Variants in DAB1 observed in about 807,000 individuals in gnomAD.
DAB1 encodes the protein disabled homolog 1.
Under a neutral mutation model 64.6 loss-of-function variants are expected in DAB1, and 15 were observed. The ratio of observed to expected loss-of-function variants is 0.23; its 90% CI spans 0.16 to 0.36. DAB1 has a LOEUF of 0.36. Ranked by LOEUF, DAB1 falls within the 10% of genes least tolerant of loss-of-function variation. The probability of loss-of-function intolerance (pLI) is 1.00; values close to 1 mark genes in which losing one functional copy is unlikely to be tolerated. For synonymous variants in DAB1, 235 were observed against 251.9 expected, an observed-to-expected ratio of 0.93 and a Z score of 0.64; for missense variants, 596 against 706.7, an observed-to-expected ratio of 0.84 and a Z score of 1.78.
At chr1:57,180,864 TAGA>T (rs1662848312) in intron 2 of DAB1, among the ~76,000 whole-genome samples, 1 of 152,226 alleles carries the variant, frequency 6.6e-6, no homozygotes, top group South Asian at 2.1e-4. Flanking sequence ...CAGTCTCCTG[TAGA>T]AGAAGTAACC....
intron 4 of DAB1, among the ~76,000 whole-genome samples, chr1:58,279,387 A>G (rs1225337463): frequency 6.6e-6 from 1 of 152,224 alleles, no homozygotes; most frequent in African/African-American, 2.4e-5. Context: ...CAAGACCAGG[A>G]CTAGGCCTGG....
In DAB1 at chr1:57,071,355, A is replaced by G. The variant is rs937724338; in HGVS notation, c.558+167T>C. The G allele has an allele frequency of 7.6e-6, 6 of 794,658 alleles. No homozygotes were observed. In the African/African-American group the frequency reaches 8.7e-5, roughly 12 times the overall value. 49.2% of individuals were successfully genotyped at this position (794,658 alleles called of 1,614,324 possible). On this transcript the variant is annotated intron_variant, in intron 6 of 14. Coordinates refer to ENST00000371236, the MANE Select transcript of DAB1 (RefSeq NM_001365792.1). ...TAACATGTCTAGAGTTTAAGAGAAT[A>G]AGGAATAATTTCTAATGGCTTGCTT...
chr1:57,196,274 G>A (rs1259825156), intron 2 of DAB1, among the ~76,000 whole-genome samples: 1 of 152,216 alleles, frequency 6.6e-6, no homozygotes, highest in African/African-American at 2.4e-5. Flanking sequence ...AGTACTCTCT[G>A]TTGAAGGTGG....
intron 2 of DAB1, among the ~76,000 whole-genome samples, chr1:57,249,501 A>G (rs1027065556): frequency 6.6e-6 from 1 of 152,164 alleles, no homozygotes; most frequent in African/African-American, 2.4e-5. Flanking sequence ...TCCCGCAAGT[A>G]TCTGGAATTC....
chr1:57,900,733 G>A (rs1301831940), intron 5 of DAB1, among the ~76,000 whole-genome samples: 1 of 152,192 alleles, frequency 6.6e-6, no homozygotes, highest in Admixed American at 6.5e-5. Flanking sequence ...TCCCCTTGAT[G>A]ATAATTACTT....
chr1:57,010,682 A>G lies in DAB1; in HGVS notation c.*13T>C. On this transcript the variant is annotated splice_region_variant and 3_prime_UTR_variant, in exon 14 of 15. Coordinates refer to ENST00000371236, the MANE Select transcript of DAB1 (RefSeq NM_001365792.1). ...AGATAAAAAGGACAGATACCTACCCAGACCTGCGCTATCTAGCTACCGGCC... is the reference window on the plus strand; with the variant it reads ...AGATAAAAAGGACAGATACCTACCCGGACCTGCGCTATCTAGCTACCGGCC... The G allele has an allele frequency of 6.6e-7, 1 of 1,519,196 alleles. No homozygotes were observed. The highest frequency in any genetic ancestry group is 8.9e-7 in the Non-Finnish European group (1 of 1,125,306). The allele number at this position is 1,519,196 out of a possible 1,614,324, so 94.1% of individuals were successfully genotyped here.
In DAB1 at chr1:57,027,103, C is replaced by G. The variant is rs545695682; in HGVS notation, c.724-1060G>C. 9.2e-5 allele frequency among the ~76,000 whole-genome samples: 14 copies of G among 152,264 alleles called. No homozygotes were observed. In the South Asian group the frequency reaches 2.9e-3, roughly 32 times the overall value. ...GACTCCTGCACTCAAACCGCTCTAA[C>G]CAGGTCATGGCTGGATCTCTAGGTT... is the stretch of plus-strand genomic sequence containing the variant. On this transcript the variant is annotated intron_variant, in intron 9 of 14. Transcript: ENST00000371236.
chr1:58,469,098 T>G (rs903100861), intron 3 of DAB1: 3 of 189,658 alleles, frequency 1.6e-5, no homozygotes, highest in African/African-American at 7.1e-5. Context: ...GCATCATTGC[T>G]GGCCAGCAGT....
chr1:57,070,372 C>A (rs1179083418), intron 7 of DAB1, among the ~76,000 whole-genome samples: 1 of 152,094 alleles, frequency 6.6e-6, no homozygotes, highest in East Asian at 1.9e-4. Flanking sequence ...CCCTTTTTTT[C>A]TGCATCTCTG....
rs956922505 is a variant in DAB1, at chr1:57,463,366, T to A, written n.626-172200A>T. On this transcript the variant is annotated intron_variant and non_coding_transcript_variant, in intron 7 of 20. Transcript: ENST00000485760. ...ATCCATATTATAAAAGGTATGTACA[T>A]ATAATTCTTGAAATCACAATATAAT... Among the ~76,000 whole-genome samples the A allele has an allele frequency of 2.0e-5, 3 of 152,218 alleles. 1 individual carries two copies. Among genetic ancestry groups the A allele is most frequent in the African/African-American group, 7.2e-5 (3 of 41,468 alleles).
At chr1:58,270,289 C>T (rs899329675) in intron 4 of DAB1, among the ~76,000 whole-genome samples, 2 of 145,524 alleles carry the variant, frequency 1.4e-5, no homozygotes, top group African/African-American at 2.6e-5. Context: ...GAATCCTTTC[C>T]CCATTGCTTG....
chr1:57,738,616 C>T (rs1299568374), intron 6 of DAB1, among the ~76,000 whole-genome samples: 2 of 152,126 alleles, frequency 1.3e-5, no homozygotes, highest in African/African-American at 4.8e-5. Context: ...ATCTTTGCTC[C>T]TGTACTGTTA....
At chr1:57,844,279 G>T (rs2101919433) in intron 1 of DAB1, among the ~76,000 whole-genome samples, 1 of 152,306 alleles carries the variant, frequency 6.6e-6, no homozygotes, top group African/African-American at 2.4e-5. Flanking sequence ...TGGGTTGCAG[G>T]ACAGCAGCCC....
chr1:57,145,454 A>T lies in DAB1; in HGVS notation c.68-25T>A, dbSNP rs760539849. 8.7e-6 allele frequency: 14 copies of T among 1,613,490 alleles called. No homozygotes were observed. In the East Asian group the frequency reaches 2.9e-4, roughly 33 times the overall value. ...CCTAAAAAGAGAAAAAGCAGATTCA[A>T]ATATGTAGCTGTGCAGACCCCAGTG... is the stretch of plus-strand genomic sequence containing the variant. On this transcript the variant is annotated intron_variant, in intron 2 of 14. Coordinates refer to ENST00000371236, the MANE Select transcript of DAB1 (RefSeq NM_001365792.1).
chr1:57,597,612 AGG>A (rs1645525853), intron 7 of DAB1, among the ~76,000 whole-genome samples: 1 of 152,264 alleles, frequency 6.6e-6, no homozygotes, highest in Admixed American at 6.5e-5. Flanking sequence ...GAGCTAAGTC[AGG>A]TTCTGAGAGA....
At chr1:58,240,062 C>T (rs1308290272) in intron 4 of DAB1, among the ~76,000 whole-genome samples, 2 of 152,144 alleles carry the variant, frequency 1.3e-5, no homozygotes, top group East Asian at 1.9e-4. Context: ...CTGCCTTGCA[C>T]TCCATCTTAC....
chr1:57,893,074 G>A (rs1644341243), intron 5 of DAB1, among the ~76,000 whole-genome samples: 1 of 146,306 alleles, frequency 6.8e-6, no homozygotes, highest in Non-Finnish European at 1.5e-5. Context: ...AGGTGCTGCT[G>A]TGATGCTGTT....
At position 58,300,660 on chromosome 1, in the gene DAB1, GGA is replaced by G. The variant is rs1557726401; in HGVS notation, n.309+42690_309+42691del. Reference sequence around the variant, plus strand: ...AGAGAGAGAGAGAGGAAGGAAGGAAGGAAGGAAGGAAGGAAGGAAGGAAGGAA... The same window carrying G: ...AGAGAGAGAGAGAGGAAGGAAGGAAGAGGAAGGAAGGAAGGAAGGAAGGAA... On this transcript the variant is annotated intron_variant and non_coding_transcript_variant, in intron 4 of 20. Transcript: ENST00000485760. 1.3e-3 allele frequency among the ~76,000 whole-genome samples: 149 copies of G among 115,040 alleles called. 1 individual carries two copies. The highest frequency in any genetic ancestry group is 4.9e-3 in the African/African-American group (134 of 27,092). The allele number at this position is 115,040 out of a possible 152,430, so 75.5% of individuals were successfully genotyped here.
intron 3 of DAB1, among the ~76,000 whole-genome samples, chr1:57,143,322 G>A (rs889460473): frequency 6.6e-6 from 1 of 152,150 alleles, no homozygotes; most frequent in Non-Finnish European, 1.5e-5. Flanking sequence ...TTATCAGTCA[G>A]AAAGCTAGAG....
Sources: allele counts gnomAD v4.1 joint callset (sites outside exome capture counted in the v4.1 genomes callset), GRCh38; gene constraint gnomAD v4.1.1; transcripts MANE v1.5; gene names NCBI Gene and HGNC (gene_info 2026-07-23, HGNC 2026-07-21).